The following ITGA4 variants were observed in gnomAD, a reference collection of about 807,000 sequenced individuals.
The protein encoded by ITGA4 is integrin subunit alpha 4.
ITGA4 carries 63 observed loss-of-function variants against 133.6 expected under a neutral mutation model. The observed-to-expected ratio is 0.47, with a 90% confidence interval of 0.38 to 0.58. The LOEUF (loss-of-function observed/expected upper bound fraction) is 0.58. ITGA4 is among the 20% of genes least tolerant of loss of function. The pLI, the probability that ITGA4 is intolerant of heterozygous loss-of-function variation, is 0.00. For missense variants in ITGA4, 1,076 were observed against 1,252.7 expected (o/e 0.86, Z 2.13); for synonymous variants, 483 against 438.0 (o/e 1.10, Z -1.28).
chr2:181,464,070 C>T (rs1374496728), intron 2 of ITGA4, among the ~76,000 whole-genome samples: 2 of 151,840 alleles, frequency 1.3e-5, no homozygotes, highest in East Asian at 3.9e-4. Flanking sequence ...GCTTGAGAAC[C>T]GCTGGAGAAG....
chr2:181,498,679 T>G lies in ITGA4; in HGVS notation c.1597T>G (p.Phe533Val), dbSNP rs1468230494. 6.2e-7 allele frequency: 1 copy of G among 1,611,914 alleles called. No individual in the cohort carries two copies. Among genetic ancestry groups the G allele is most frequent in the Non-Finnish European group, 8.5e-7 (1 of 1,178,280 alleles). Residue 533 changes from phenylalanine to valine, a missense_variant, in exon 15 of 28, where the codon TTC becomes GTC. Phe to Val is a conservative substitution (Grantham distance 50). This residue lies in a region of ITGA4 where 365 missense variants were observed against 421.4 expected (regional missense o/e 0.87). Transcript: ENST00000397033. Reference protein sequence around the residue: ...VNRKAESPPRFYFSSNGTSDV... With the variant: ...VNRKAESPPRVYFSSNGTSDV... ...CAGAAAGGCAGAGTCTCCACCAAGA[T>G]TCTATTTCTCTTCTAATGGAACTTC...
At position 181,522,348 on chromosome 2, in the gene ITGA4, A is replaced by G. The variant is rs1686738484; in HGVS notation, c.2073+7A>G. ...CATTAAGATTTTAGAGCTGGTAAGT[A>G]CTGTAAACCACAATAGCATGATACT... is the stretch of plus-strand genomic sequence containing the variant. On this transcript the variant is annotated splice_region_variant and intron_variant, in intron 18 of 27. Transcript: ENST00000397033. The G allele has an allele frequency of 1.3e-6, 2 of 1,579,838 alleles. No homozygotes were observed. The highest frequency in any genetic ancestry group is 2.7e-5 in the African/African-American group (2 of 73,464).
At chr2:181,465,169 C>T (rs749898106) in intron 2 of ITGA4, among the ~76,000 whole-genome samples, 9 of 152,028 alleles carry the variant, frequency 5.9e-5, no homozygotes, top group Non-Finnish European at 1.2e-4. Context: ...CAATACCAGT[C>T]TGTTTTCTTG....
At chr2:181,520,557 T>C (rs972939816) in intron 17 of ITGA4, among the ~76,000 whole-genome samples, 1 of 152,004 alleles carries the variant, frequency 6.6e-6, no homozygotes, top group East Asian at 1.9e-4. Flanking sequence ...GACAGATAAA[T>C]CAATTAGAAA....
At chr2:181,489,044 A>G (rs1685985143) in intron 10 of ITGA4, among the ~76,000 whole-genome samples, 1 of 151,946 alleles carries the variant, frequency 6.6e-6, no homozygotes, top group Non-Finnish European at 1.5e-5. Flanking sequence ...ATTTTTCTTT[A>G]TGTGTTTCTT....
intron 4 of ITGA4, among the ~76,000 whole-genome samples, chr2:181,477,286 C>G (rs1004198331): frequency 6.6e-6 from 1 of 151,976 alleles, no homozygotes; most frequent in Non-Finnish European, 1.5e-5. Flanking sequence ...AAGAGAAAAG[C>G]TACTTGACAT....
At chr2:181,486,058 A>G (rs1685908896) in intron 10 of ITGA4, 66 bp downstream of exon 10, 12 of 1,520,382 alleles carry the variant, frequency 7.9e-6, no homozygotes, top group African/African-American at 1.4e-5. Flanking sequence ...AGAAAATATG[A>G]TTAAAGTTTT....
chr2:181,486,792 G>A (rs926734216), intron 10 of ITGA4, among the ~76,000 whole-genome samples: 5 of 152,236 alleles, frequency 3.3e-5, no homozygotes, highest in African/African-American at 1.2e-4. Flanking sequence ...GCAGTTTCAT[G>A]GAGTTCAGCA....
chr2:181,508,875 G>A (rs959005734), intron 15 of ITGA4, among the ~76,000 whole-genome samples: 1 of 151,732 alleles, frequency 6.6e-6, no homozygotes, highest in Non-Finnish European at 1.5e-5. Context: ...GGGTATGGTG[G>A]CTCACACCTG....
chr2:181,469,930 G>C (rs1027467526), intron 2 of ITGA4, among the ~76,000 whole-genome samples: 17 of 152,162 alleles, frequency 1.1e-4, no homozygotes, highest in African/African-American at 2.9e-4. Flanking sequence ...TGGGGGGATG[G>C]GGGAGGGATA....
rs199949268 is a variant in ITGA4 at position 181,525,222 on chromosome 2, A to G, written c.2270A>G (p.Asp757Gly). The G allele has an allele frequency of 4.2e-5, 67 of 1,604,262 alleles. No homozygotes were observed. Among genetic ancestry groups the G allele is most frequent in the Middle Eastern group, 1.7e-4 (1 of 6,024 alleles). ...HATCENEEEMDNLKHSRVTVA... is the reference protein window; with the variant it reads ...HATCENEEEMGNLKHSRVTVA... ...TATAGTGAAAATGAAGAGGAAATGG[A>G]CAATCTAAAGCACAGCAGAGTGACT... The change falls in exon 21 of 28, where the codon GAC becomes GGC. Residue 757 changes from aspartate (D) to glycine (G), a missense_variant. Coordinates refer to ENST00000397033, the MANE Select transcript of ITGA4 (RefSeq NM_000885.6).
chr2:181,500,673 C>T (rs1321032479), intron 15 of ITGA4, among the ~76,000 whole-genome samples: 1 of 152,078 alleles, frequency 6.6e-6, no homozygotes, highest in Non-Finnish European at 1.5e-5. Flanking sequence ...CCCACAACCC[C>T]CACTTGTCAG....
chr2:181,502,003 A>C (rs942236214), intron 15 of ITGA4, among the ~76,000 whole-genome samples: 1 of 152,108 alleles, frequency 6.6e-6, no homozygotes, highest in African/African-American at 2.4e-5. Flanking sequence ...TACAACATGA[A>C]GAGGTTGGCA....
chr2:181,475,183 A>G lies in ITGA4; in HGVS notation c.451A>G (p.Ile151Val), dbSNP rs1024921312. ...GACTTGTGGGCATAGATGGAAAAAT[A>G]TATTTTACATAAAGAATGAAAATAA... ...IVTCGHRWKNIFYIKNENKLP... is the reference protein window; with the variant it reads ...IVTCGHRWKNVFYIKNENKLP... The change falls in exon 4 of 28, where the codon ATA (isoleucine) becomes GTA (valine). Residue 151 changes from isoleucine to valine, a missense_variant. Around this residue, in one of 4 missense-constraint regions of ITGA4, gnomAD observed 436 missense variants for 590.7 expected, o/e 0.74. Coordinates refer to ENST00000397033, the MANE Select transcript of ITGA4 (RefSeq NM_000885.6). 3 of 1,613,422 alleles carry G rather than the reference A, an allele frequency of 1.9e-6. No individual in the cohort carries two copies. Among genetic ancestry groups the G allele is most frequent in the African/African-American group, 1.3e-5 (1 of 74,908 alleles).
At chr2:181,488,872 T>A (rs1685982195) in intron 10 of ITGA4, among the ~76,000 whole-genome samples, 1 of 152,172 alleles carries the variant, frequency 6.6e-6, no homozygotes, top group African/African-American at 2.4e-5. Context: ...AGTTCTAATT[T>A]TATCTTCTAT....
At chr2:181,507,304 T>A (rs1686413214) in intron 15 of ITGA4, among the ~76,000 whole-genome samples, 1 of 152,148 alleles carries the variant, frequency 6.6e-6, no homozygotes, top group South Asian at 2.1e-4. Flanking sequence ...AGTGTCTAAA[T>A]CTTATTTTAT....
At chr2:181,486,056 T>C in intron 10 of ITGA4, 64 bp downstream of exon 10, 1 of 1,521,868 alleles carries the variant, frequency 6.6e-7, no homozygotes, top group Non-Finnish European at 8.8e-7. Flanking sequence ...GAAGAAAATA[T>C]GATTAAAGTT....
rs1686855478 is a variant in ITGA4, at chr2:181,527,377, T to G, written c.2420T>G (p.Leu807Ter). Residue 807 changes from leucine (L) to a stop codon, truncating the protein, a stop_gained, in exon 22 of 28, where the codon TTA (leucine) becomes TGA (stop). Coordinates refer to ENST00000397033, the MANE Select transcript of ITGA4 (RefSeq NM_000885.6). LOFTEE classifies it high-confidence loss of function. ...PETCMVEKMN[L>*]TFHVINTGNS... ...ACGTGCATGGTGGAGAAAATGAACT[T>G]AACTTTCCATGTAAGAAAAGTTAAT... 6.2e-7 allele frequency: 1 copy of G among 1,601,266 alleles called. No homozygotes were observed. The highest frequency in any genetic ancestry group is 1.3e-5 in the African/African-American group (1 of 74,620).
chr2:181,473,591 A>G (rs191228903), intron 2 of ITGA4, among the ~76,000 whole-genome samples: 10 of 152,326 alleles, frequency 6.6e-5, no homozygotes, highest in African/African-American at 2.2e-4. Context: ...TTAGAAAACG[A>G]AAGTATAAAC....
Sources: allele counts gnomAD v4.1 joint callset (sites outside exome capture counted in the v4.1 genomes callset), GRCh38; gene constraint gnomAD v4.1.1; regional missense constraint gnomAD v4.1.1; transcripts MANE v1.5; gene names NCBI Gene and HGNC (gene_info 2026-07-23, HGNC 2026-07-21).